SMG1: variants seen among roughly 807,000 people sequenced by gnomAD.
The protein encoded by SMG1 is SMG1 nonsense mediated mRNA decay associated PI3K related kinase.
A neutral mutation model predicts 419.9 loss-of-function variants in SMG1; 22 were observed. That is an observed-to-expected ratio of 0.05 (90% CI 0.04 to 0.07). The LOEUF (loss-of-function observed/expected upper bound fraction) is 0.07. Among genes scored for constraint, SMG1 ranks in the 10% least tolerant of loss-of-function variants. The pLI is 1.00. For missense variants in SMG1, 3,185 were observed against 4,342.0 expected (o/e 0.73, Z 7.49); for synonymous variants, 1,538 against 1,553.5 (o/e 0.99, Z 0.23).
chr16:18,918,906 A>G (rs1032378696), intron 1 of SMG1, among the ~76,000 whole-genome samples: 3 of 152,190 alleles, frequency 2.0e-5, no homozygotes, highest in East Asian at 1.9e-4. Context: ...AAAAAAAAAG[A>G]AAGGAAGGAA....
chr16:18,854,931 T>C (rs1168406564), intron 29 of SMG1, 27 bp from the exon 30 acceptor site: 2 of 1,601,456 alleles, frequency 1.2e-6, no homozygotes, highest in Admixed American at 3.4e-5. Context: ...GTTTTATTAG[T>C]TCCTAATTTG....
rs887704311 is a variant in SMG1 at position 18,816,187 on chromosome 16, A to T, written c.10302+115T>A. The T allele has an allele frequency of 1.5e-5, 12 of 801,942 alleles. No individual in the cohort carries two copies. The Admixed American group carries it at 2.9e-4, about 19-fold the overall frequency. The allele number at this position is 801,942 out of a possible 1,614,324, so 49.7% of individuals were successfully genotyped here. ...AACTCAGTTACAAACAAATTGGAAG[A>T]TGTGATGAGATAAATTGTTATTTAC... On this transcript the variant is annotated intron_variant, in intron 58 of 62. Coordinates refer to ENST00000446231, the MANE Select transcript of SMG1 (RefSeq NM_015092.5).
chr16:18,910,465 G>A (rs185503539), intron 1 of SMG1, among the ~76,000 whole-genome samples: 201 of 151,748 alleles, frequency 1.3e-3, no homozygotes, highest in Admixed American at 4.9e-3. Flanking sequence ...TTCTGATCTC[G>A]GTGATCTGAC....
intron 38 of SMG1, 121 bp downstream of exon 38, chr16:18,847,332 T>G: frequency 4.0e-6 from 4 of 1,000,352 alleles, no homozygotes; most frequent in Non-Finnish European, 6.0e-6. Context: ...TACAATATGG[T>G]GAATGTATTT....
intron 31 of SMG1, 123 bp from the exon 32 acceptor site, chr16:18,852,585 A>G: frequency 1.3e-6 from 1 of 783,668 alleles, no homozygotes; most frequent in Non-Finnish European, 1.9e-6. Flanking sequence ...AAAGTTCCAA[A>G]ATATTACTGT....
At position 18,859,760 on chromosome 16, in the gene SMG1, T is replaced by C. The variant is rs1415924980; in HGVS notation, c.3806-57A>G. On this transcript the variant is annotated intron_variant, in intron 26 of 62. Transcript: ENST00000446231. ...CATGTGCTTTTATTATAAATTTTGA[T>C]TTATGTTTGGCATTATTAAAAACTA... 3 of 1,443,670 alleles carry C rather than the reference T, an allele frequency of 2.1e-6. No homozygotes were observed. The African/African-American group carries it at 4.3e-5, about 21-fold the overall frequency. 89.4% of individuals were successfully genotyped at this position (1,443,670 alleles called of 1,614,324 possible).
In SMG1 at chr16:18,876,154, T is replaced by C. The variant is rs1198462770; in HGVS notation, c.1860A>G (p.Thr620=). 1.2e-6 allele frequency: 2 copies of C among 1,611,704 alleles called. No homozygotes were observed. The highest frequency in any genetic ancestry group is 1.3e-5 in the African/African-American group (1 of 74,866). The change falls in exon 13 of 63, where the codon ACA becomes ACG. Residue 620 remains threonine, a synonymous_variant. Coordinates refer to ENST00000446231, the MANE Select transcript of SMG1 (RefSeq NM_015092.5). ...TTAGTGAGTTTTTGGCATTTCCAAT[T>C]GTAGTCAGGGCACTGAGGTCAAATA... ...VVIFDLSALT[T]IGNAKNSLIG...
intron 1 of SMG1, among the ~76,000 whole-genome samples, chr16:18,906,500 G>A (rs1225969531): frequency 2.0e-5 from 3 of 151,920 alleles, no homozygotes; most frequent in South Asian, 2.1e-4. Flanking sequence ...GGGTGGGGTG[G>A]GGAAGATACC....
chr16:18,887,638 G>A (rs139381280), intron 6 of SMG1, among the ~76,000 whole-genome samples: 7,222 of 117,832 alleles, frequency 0.061, 805 homozygotes, highest in African/African-American at 0.23. Flanking sequence ...ACAGGAGTGA[G>A]CCACCATGCC....
rs184019062 is a variant in SMG1, at chr16:18,890,294, T to C, written c.608+569A>G. Among the ~76,000 whole-genome samples, 333 of 152,300 alleles carry C rather than the reference T, an allele frequency of 2.2e-3. 5 individuals are homozygous for C. The highest frequency in any genetic ancestry group is 7.3e-3 in the African/African-American group (305 of 41,556). ...ATGCCTGCATCAAGAGTTTATGCCA[T>C]TCCATAAGTCAAGACTCGGTTATCC... On this transcript the variant is annotated intron_variant, in intron 5 of 62. Coordinates refer to ENST00000446231, the MANE Select transcript of SMG1 (RefSeq NM_015092.5).
intron 55 of SMG1, among the ~76,000 whole-genome samples, chr16:18,820,607 T>G (rs937445802): frequency 2.0e-5 from 3 of 152,208 alleles, no homozygotes; most frequent in Non-Finnish European, 4.4e-5. Context: ...GGTGGACGCA[T>G]TCACATTTTC....
At chr16:18,864,462 T>C (rs1369957076) in intron 23 of SMG1, among the ~76,000 whole-genome samples, 1 of 152,042 alleles carries the variant, frequency 6.6e-6, no homozygotes, top group Non-Finnish European at 1.5e-5. Context: ...CCTCCCAAAA[T>C]GCTGGGATTA....
At chr16:18,815,370 A>T in intron 59 of SMG1, 70 bp downstream of exon 59, 1 of 1,575,592 alleles carries the variant, frequency 6.3e-7, no homozygotes, top group Non-Finnish European at 8.7e-7. Context: ...AATTAAATCA[A>T]GAGATAAACT....
intron 1 of SMG1, chr16:18,900,234 G>A (rs1596626983): frequency 2.3e-6 from 1 of 426,584 alleles, no homozygotes; most frequent in Non-Finnish European, 4.2e-6. Flanking sequence ...GGCTTAATGT[G>A]GCAACCAAAA....
chr16:18,858,349 T>A, intron 28 of SMG1, 59 bp from the exon 29 acceptor site: 1 of 1,519,244 alleles, frequency 6.6e-7, no homozygotes, highest in Non-Finnish European at 8.8e-7. Flanking sequence ...TGTTTGCAGA[T>A]ATATAGCAAG....
At chr16:18,812,577 CACATATATAT>C (rs1437030770) in intron 60 of SMG1, among the ~76,000 whole-genome samples, 4 of 150,364 alleles carry the variant, frequency 2.7e-5, no homozygotes, top group African/African-American at 7.4e-5. Flanking sequence ...TATATACACA[CACATATATAT>C]ACATATATAT....
Position 18,926,121 on chromosome 16 carries a change from C to G in SMG1, c.-80G>C. On this transcript the variant is annotated 5_prime_UTR_variant, in exon 1 of 63. Transcript: ENST00000446231. ...CCGCCCGAACCGGCCGCCGCCGACACCCCGCTCCGGCCCGGGGCTGAGGAG... is the reference window on the plus strand; with the variant it reads ...CCGCCCGAACCGGCCGCCGCCGACAGCCCGCTCCGGCCCGGGGCTGAGGAG... 1.5e-6 allele frequency: 2 copies of G among 1,306,724 alleles called. No individual in the cohort carries two copies. Among genetic ancestry groups the G allele is most frequent in the African/African-American group, 1.5e-5 (1 of 64,800 alleles). 80.9% of individuals were successfully genotyped at this position (1,306,724 alleles called of 1,614,324 possible).
chr16:18,840,664 A>G (rs890859327), intron 41 of SMG1, among the ~76,000 whole-genome samples: 2 of 152,222 alleles, frequency 1.3e-5, no homozygotes, highest in Non-Finnish European at 1.5e-5. Context: ...TCATAGATAC[A>G]AAATAGGATG....
Position 18,897,909 on chromosome 16 carries a change from A to G in SMG1, c.93-953T>C, listed in dbSNP as rs548273109. ...GAGGAACAACTTTGAGAAAAAAAAA[A>G]AAAAGAAAATCACTTCTATGATATT... On this transcript the variant is annotated intron_variant, in intron 1 of 62. Transcript: ENST00000446231. 3.9e-5 allele frequency among the ~76,000 whole-genome samples: 6 copies of G among 152,254 alleles called. No homozygotes were observed. The East Asian group carries it at 1.2e-3, about 29-fold the overall frequency.
Sources: allele counts gnomAD v4.1 joint callset (sites outside exome capture counted in the v4.1 genomes callset), GRCh38; gene constraint gnomAD v4.1.1; transcripts MANE v1.5; gene names NCBI Gene and HGNC (gene_info 2026-07-23, HGNC 2026-07-21).